PTPRD: variants seen among roughly 807,000 people sequenced by gnomAD.
The protein encoded by PTPRD is protein tyrosine phosphatase receptor type D, also known as receptor-type tyrosine-protein phosphatase delta.
PTPRD carries 34 observed loss-of-function variants against 214.5 expected under a neutral mutation model. That is an observed-to-expected ratio of 0.16 (90% confidence interval 0.12 to 0.21). The LOEUF is 0.21. PTPRD is among the 10% of genes least tolerant of loss of function. The pLI is 1.00. For synonymous variants in PTPRD, 1,128 were observed against 845.7 expected, an observed-to-expected ratio of 1.33 and a Z score of -5.79; for missense variants, 2,545 against 2,398.7, an observed-to-expected ratio of 1.06 and a Z score of -1.27.
intron 11 of PTPRD, among the ~76,000 whole-genome samples, chr9:8,782,788 G>A (rs747780989): frequency 5.9e-5 from 9 of 151,910 alleles, no homozygotes; most frequent in African/African-American, 1.7e-4. Flanking sequence ...TAGAGACAGG[G>A]TTTCACCATG....
chr9:9,002,013 G>C (rs192371903), intron 11 of PTPRD, among the ~76,000 whole-genome samples: 7 of 150,734 alleles, frequency 4.6e-5, no homozygotes, highest in Non-Finnish European at 8.9e-5. Context: ...TGTCGGGGGT[G>C]GGGGGGTGTT....
At chr9:10,463,544 A>C (rs527256834) in intron 2 of PTPRD, among the ~76,000 whole-genome samples, 8 of 152,198 alleles carry the variant, frequency 5.3e-5, no homozygotes, top group Non-Finnish European at 1.2e-4. Flanking sequence ...ACTACAAAAA[A>C]AGTGTTGAGA....
intron 11 of PTPRD, among the ~76,000 whole-genome samples, chr9:8,822,203 A>G (rs1400776920): frequency 6.6e-6 from 1 of 152,216 alleles, no homozygotes; most frequent in Non-Finnish European, 1.5e-5. Context: ...AAGTTGAGTC[A>G]CTGAAAGTTT....
At chr9:8,484,084 T>G (rs2096947979) in intron 30 of PTPRD, 35 bp downstream of exon 30, 2 of 1,592,726 alleles carry the variant, frequency 1.3e-6, no homozygotes, top group South Asian at 2.3e-5. Flanking sequence ...TACCTATAAT[T>G]CTTTCCTTCA....
At chr9:8,970,463 C>A (rs889062897) in intron 11 of PTPRD, among the ~76,000 whole-genome samples, 2 of 151,726 alleles carry the variant, frequency 1.3e-5, no homozygotes, top group African/African-American at 4.8e-5. Context: ...AAAAGTCAAC[C>A]ATCTAAAACT....
intron 17 of PTPRD, 61 bp from the exon 18 acceptor site, chr9:8,525,096 A>C: frequency 7.3e-7 from 1 of 1,376,234 alleles, no homozygotes; most frequent in Non-Finnish European, 1.0e-6. Flanking sequence ...TCAGTTCAGA[A>C]AGCTAAACCT....
intron 44 of PTPRD, among the ~76,000 whole-genome samples, chr9:8,331,212 C>CACAA (rs1308104064): frequency 6.7e-6 from 1 of 148,878 alleles, no homozygotes; most frequent in African/African-American, 2.6e-5. Context: ...ATGAGGTTTT[C>CACAA]ACAAACAGAA....
intron 11 of PTPRD, among the ~76,000 whole-genome samples, chr9:8,874,383 G>A (rs536572235): frequency 6.6e-6 from 1 of 152,214 alleles, no homozygotes; most frequent in South Asian, 2.1e-4. Context: ...ATTTCCCAAC[G>A]TGGGTATCAC....
intron 11 of PTPRD, among the ~76,000 whole-genome samples, chr9:8,835,005 C>T (rs2154530913): frequency 6.6e-6 from 1 of 152,302 alleles, no homozygotes; most frequent in East Asian, 1.9e-4. Flanking sequence ...ACTGAGGAAT[C>T]TAACTGCATG....
intron 2 of PTPRD, among the ~76,000 whole-genome samples, chr9:10,470,131 CACAA>C (rs2099020930): frequency 6.6e-6 from 1 of 151,972 alleles, no homozygotes; most frequent in African/African-American, 2.4e-5. Context: ...ATAGTCCCAA[CACAA>C]ACAAATGACA....
At chr9:8,944,295 T>A (rs1220222386) in intron 11 of PTPRD, among the ~76,000 whole-genome samples, 1 of 152,118 alleles carries the variant, frequency 6.6e-6, no homozygotes, top group African/African-American at 2.4e-5. Flanking sequence ...GCTCATACAC[T>A]GCTGGTATGA....
At chr9:8,458,609 A>G (rs2096282449) in intron 33 of PTPRD, among the ~76,000 whole-genome samples, 1 of 152,120 alleles carries the variant, frequency 6.6e-6, no homozygotes, top group Admixed American at 6.5e-5. Context: ...CTTCTGGAAA[A>G]AAGTGCAGCG....
chr9:8,945,708 A>G (rs1205469827), intron 11 of PTPRD, among the ~76,000 whole-genome samples: 1 of 151,280 alleles, frequency 6.6e-6, no homozygotes, highest in Non-Finnish European at 1.5e-5. Flanking sequence ...GGATTCCACA[A>G]TTCCATCTAC....
At chr9:9,986,130 G>T (rs570148675) in intron 4 of PTPRD, among the ~76,000 whole-genome samples, 91 of 152,090 alleles carry the variant, frequency 6.0e-4, no homozygotes, top group African/African-American at 2.1e-3. Flanking sequence ...TTAGCTGGTT[G>T]GGGAGAACAA....
chr9:10,012,256 G>A (rs576241286), intron 4 of PTPRD, among the ~76,000 whole-genome samples: 2 of 151,918 alleles, frequency 1.3e-5, no homozygotes, highest in African/African-American at 4.8e-5. Flanking sequence ...ATTGAAATGA[G>A]GTTTTAATCA....
intron 7 of PTPRD, among the ~76,000 whole-genome samples, chr9:9,636,327 T>C (rs1488371474): frequency 6.8e-6 from 1 of 147,962 alleles, no homozygotes; most frequent in Non-Finnish European, 1.5e-5. Flanking sequence ...GTTTCTTTGA[T>C]TTATTGAGTA....
intron 5 of PTPRD, among the ~76,000 whole-genome samples, chr9:9,867,123 G>A (rs868088150): frequency 1.3e-5 from 2 of 152,116 alleles, no homozygotes; most frequent in Non-Finnish European, 1.5e-5. Flanking sequence ...TCCAATTAAC[G>A]GAAAAGGAGT....
intron 39 of PTPRD, among the ~76,000 whole-genome samples, chr9:8,374,382 C>G (rs898224285): frequency 6.6e-6 from 1 of 151,806 alleles, no homozygotes; most frequent in East Asian, 1.9e-4. Context: ...CAAACTAGCA[C>G]CTGAATTAAA....
At chr9:8,660,954 T>C (rs936751144) in intron 12 of PTPRD, among the ~76,000 whole-genome samples, 2 of 152,032 alleles carry the variant, frequency 1.3e-5, no homozygotes, top group Non-Finnish European at 2.9e-5. Context: ...AGATTTATCA[T>C]TTAACTGAGA....
Sources: gnomAD v4.1 joint callset for allele counts (sites outside exome capture counted in the v4.1 genomes callset) on GRCh38, gnomAD v4.1.1 for gene constraint, MANE v1.5 for transcripts, NCBI Gene and HGNC (gene_info 2026-07-23, HGNC 2026-07-21) for gene names.